The following ATXN1 variants were observed in gnomAD, a reference collection of about 807,000 sequenced individuals.
ATXN1 encodes ataxin-1.
Under a neutral mutation model 56.4 loss-of-function variants are expected in ATXN1, and 8 were observed. The ratio of observed to expected loss-of-function variants is 0.14; its 90% confidence interval spans 0.08 to 0.26. The LOEUF (loss-of-function observed/expected upper bound fraction) is 0.26, where lower values mean the gene tolerates loss of function less well. Among genes scored for constraint, ATXN1 ranks in the 10% least tolerant of loss-of-function variants. The probability of loss-of-function intolerance (pLI) is 1.00; values close to 1 mark genes in which losing one functional copy is unlikely to be tolerated. For synonymous variants in ATXN1, 514 were observed against 494.6 expected (o/e 1.04, Z -0.52); for missense variants, 987 against 1,106.5 (o/e 0.89, Z 1.53).
chr6:16,374,630 C>G (rs1762108625), intron 6 of ATXN1, among the ~76,000 whole-genome samples: 1 of 152,188 alleles, frequency 6.6e-6, no homozygotes, highest in Non-Finnish European at 1.5e-5. Context: ...TCTGGGTTAG[C>G]AGGGTTGAAA....
At chr6:16,334,712 G>C (rs774107904) in intron 6 of ATXN1, among the ~76,000 whole-genome samples, 1 of 152,154 alleles carries the variant, frequency 6.6e-6, no homozygotes, top group African/African-American at 2.4e-5. Context: ...GCAAGACCCT[G>C]TCTCAAGAAA....
chr6:16,666,919 C>T (rs778535459), intron 2 of ATXN1: 2 of 152,028 alleles, frequency 1.3e-5, no homozygotes, highest in Non-Finnish European at 2.9e-5. Context: ...TTCAGAAAGA[C>T]CTTTTTCATG....
At chr6:16,718,182 G>A (rs1759676807) in intron 2 of ATXN1, among the ~76,000 whole-genome samples, 1 of 152,192 alleles carries the variant, frequency 6.6e-6, no homozygotes, top group Admixed American at 6.5e-5. Context: ...CAGCTCTTTT[G>A]CCCTATTAAG....
intron 4 of ATXN1, among the ~76,000 whole-genome samples, chr6:16,544,691 T>C (rs1292351218): frequency 2.0e-5 from 3 of 152,162 alleles, no homozygotes; most frequent in Non-Finnish European, 2.9e-5. Flanking sequence ...TTTGTAACCA[T>C]GCAGATGTGA....
At chr6:16,436,726 G>A (rs1423723013) in intron 6 of ATXN1, among the ~76,000 whole-genome samples, 3 of 151,900 alleles carry the variant, frequency 2.0e-5, no homozygotes, top group African/African-American at 7.3e-5. Context: ...AAGTCAGAGG[G>A]TGGGGGTGAC....
At chr6:16,379,838 T>C (rs891546602) in intron 6 of ATXN1, among the ~76,000 whole-genome samples, 11 of 152,228 alleles carry the variant, frequency 7.2e-5, no homozygotes, top group Admixed American at 2.6e-4. Context: ...TGGGTCATTT[T>C]TGAACATATC....
chr6:16,405,641 T>C (rs1368450818), intron 6 of ATXN1, among the ~76,000 whole-genome samples: 1 of 152,198 alleles, frequency 6.6e-6, no homozygotes, highest in Non-Finnish European at 1.5e-5. Context: ...GCAAGCACTC[T>C]GGCGGCCGAA....
intron 5 of ATXN1, among the ~76,000 whole-genome samples, chr6:16,492,758 A>C (rs1760694873): frequency 6.6e-6 from 1 of 151,730 alleles, no homozygotes; most frequent in Non-Finnish European, 1.5e-5. Context: ...AGTTCTATTC[A>C]CTTTCTATAA....
intron 4 of ATXN1, among the ~76,000 whole-genome samples, chr6:16,577,310 G>C (rs1374379181): frequency 6.6e-6 from 1 of 152,112 alleles, no homozygotes; most frequent in Non-Finnish European, 1.5e-5. Context: ...GATCACCTGA[G>C]GCCAGGAGTT....
chr6:16,543,372 G>A (rs1044498189), intron 4 of ATXN1, among the ~76,000 whole-genome samples: 2 of 152,078 alleles, frequency 1.3e-5, no homozygotes, highest in Non-Finnish European at 2.9e-5. Context: ...TTCATTTGGG[G>A]ATAAGACAAG....
chr6:16,362,461 C>T (rs179972), intron 6 of ATXN1, among the ~76,000 whole-genome samples: 46,696 of 152,016 alleles, frequency 0.31, 8,987 homozygotes, highest in Non-Finnish European at 0.43. Flanking sequence ...TGGCCCCCAC[C>T]CTCCCGCTCT....
intron 6 of ATXN1, among the ~76,000 whole-genome samples, chr6:16,399,489 C>T (rs918289204): frequency 6.6e-6 from 1 of 152,132 alleles, no homozygotes; most frequent in Non-Finnish European, 1.5e-5. Flanking sequence ...TTTCTAAAGA[C>T]AGAAATAGCG....
rs1276114082 is a variant in ATXN1, at chr6:16,760,355, C to G, written c.-730+943G>C. Among the ~76,000 whole-genome samples the G allele has an allele frequency of 6.6e-6, 1 of 151,872 alleles. No individual in the cohort carries two copies. Among genetic ancestry groups the G allele is most frequent in the Non-Finnish European group, 1.5e-5 (1 of 67,902 alleles). ...GCCTGCCGCGGCTCCTCGTCTCCTG[C>G]CGCGGGTGCTGGCGGGGGCGCCGGC... is the stretch of plus-strand genomic sequence containing the variant. On this transcript the variant is annotated intron_variant, in intron 1 of 7. Coordinates refer to ENST00000436367, the MANE Select transcript of ATXN1 (RefSeq NM_001128164.2). This position sits in a 1 kb window ranked among gnomAD's most constrained non-coding sequence, Gnocchi z 5.3.
chr6:16,387,794 GTCAAA>G (rs1758272136), intron 6 of ATXN1, among the ~76,000 whole-genome samples: 1 of 152,146 alleles, frequency 6.6e-6, no homozygotes, highest in African/African-American at 2.4e-5. Context: ...GATATCTCCT[GTCAAA>G]AATATAATAC....
At chr6:16,494,718 C>T (rs1412800483) in intron 5 of ATXN1, among the ~76,000 whole-genome samples, 1 of 152,150 alleles carries the variant, frequency 6.6e-6, no homozygotes, top group Non-Finnish European at 1.5e-5. Flanking sequence ...GTAAGTTGAA[C>T]ATATAGATGA....
intron 5 of ATXN1, among the ~76,000 whole-genome samples, chr6:16,510,768 A>G (rs1761069206): frequency 1.3e-5 from 2 of 152,142 alleles, no homozygotes; most frequent in South Asian, 4.1e-4. Flanking sequence ...AAATAAAAAT[A>G]CAGTAAAGGT....
intron 2 of ATXN1, among the ~76,000 whole-genome samples, chr6:16,711,953 A>C (rs924405563): frequency 1.0e-4 from 14 of 134,750 alleles, no homozygotes; most frequent in African/African-American, 1.2e-4. Flanking sequence ...TGAACAAAAG[A>C]AAGCAGATAC....
intron 3 of ATXN1, among the ~76,000 whole-genome samples, chr6:16,614,525 G>C (rs1763169012): frequency 6.6e-6 from 1 of 151,808 alleles, no homozygotes; most frequent in East Asian, 1.9e-4. Context: ...CTGTGGGAAA[G>C]AGGGTTGAAA....
intron 6 of ATXN1, among the ~76,000 whole-genome samples, chr6:16,386,260 T>C (rs974324702): frequency 2.0e-5 from 3 of 152,096 alleles, no homozygotes; most frequent in Non-Finnish European, 4.4e-5. Flanking sequence ...GATGACAACA[T>C]GTCAGCTGCT....
Sources: gnomAD v4.1 joint callset for allele counts (sites outside exome capture counted in the v4.1 genomes callset) on GRCh38, gnomAD v4.1.1 for gene constraint, Gnocchi (gnomAD v3.1) non-coding constraint, MANE v1.5 for transcripts, NCBI Gene and HGNC (gene_info 2026-07-23, HGNC 2026-07-21) for gene names.